Variants in SPATA9 observed in about 807,000 individuals in gnomAD.
SPATA9 encodes the protein spermatogenesis associated 9.
Under a neutral mutation model 25.5 loss-of-function variants are expected in SPATA9, and 27 were observed. That is an observed-to-expected ratio of 1.06 (90% CI 0.78 to 1.46). The LOEUF is 1.46. Ranked by LOEUF, SPATA9 falls within the 40% of genes most tolerant of loss-of-function variation. The pLI is 0.00. For missense variants in SPATA9, 282 were observed against 297.5 expected (o/e 0.95, Z 0.38); for synonymous variants, 102 against 105.7 (o/e 0.97, Z 0.21).
intron 1 of SPATA9, among the ~76,000 whole-genome samples, chr5:95,698,435 C>G (rs1161750095): frequency 6.6e-6 from 1 of 152,176 alleles, no homozygotes; most frequent in Non-Finnish European, 1.5e-5. Context: ...GACTCCTAGA[C>G]GCTCAGGGAC....
chr5:95,715,499 T>G, the SPATA9 span, among the ~76,000 whole-genome samples: 2 of 152,100 alleles, frequency 1.3e-5, no homozygotes, highest in African/African-American at 4.8e-5. Flanking sequence ...GAAAGGAAAC[T>G]CTTTTCAAAA....
chr5:95,678,937 T>C (rs372755254), intron 2 of SPATA9, among the ~76,000 whole-genome samples: 23 of 152,242 alleles, frequency 1.5e-4, no homozygotes, highest in Admixed American at 5.2e-4. Context: ...TTAAGTGTTT[T>C]GAAAATGAGA....
chr5:95,671,495 C>G (rs532855831), intron 3 of SPATA9, among the ~76,000 whole-genome samples: 3 of 152,252 alleles, frequency 2.0e-5, no homozygotes, highest in Non-Finnish European at 2.9e-5. Context: ...ACTGCAACCT[C>G]GCCTCCAGGG....
intron 4 of SPATA9, among the ~76,000 whole-genome samples, chr5:95,663,207 T>G (rs1365865461): frequency 2.0e-5 from 3 of 152,188 alleles, no homozygotes; most frequent in African/African-American, 7.2e-5. Context: ...AACAAACTAC[T>G]GCTACAGGCA....
chr5:95,671,491 A>C (rs182266314), intron 3 of SPATA9, among the ~76,000 whole-genome samples: 21 of 151,682 alleles, frequency 1.4e-4, no homozygotes, highest in Admixed American at 1.0e-3. Context: ...GCTCACTGCA[A>C]CCTCGCCTCC....
chr5:95,710,560 C>T, the SPATA9 span, among the ~76,000 whole-genome samples: 1 of 152,168 alleles, frequency 6.6e-6, no homozygotes, highest in East Asian at 1.9e-4. Flanking sequence ...GGCCACTGGG[C>T]GTCTCCAGGG....
At chr5:95,706,432 G>A in the SPATA9 span, among the ~76,000 whole-genome samples, 2 of 151,878 alleles carry the variant, frequency 1.3e-5, no homozygotes, top group South Asian at 2.1e-4. Flanking sequence ...GGGTGGAGTC[G>A]TGCCTGCTTC....
chr5:95,681,602 G>A (rs13361882), intron 2 of SPATA9, among the ~76,000 whole-genome samples: 20,695 of 151,996 alleles, frequency 0.14, 1,522 homozygotes, highest in Middle Eastern at 0.22. Flanking sequence ...AAAGGATCAC[G>A]TCGTGTTTAT....
chr5:95,716,817 T>C, the SPATA9 span, among the ~76,000 whole-genome samples: 2 of 152,124 alleles, frequency 1.3e-5, no homozygotes, highest in African/African-American at 4.8e-5. Flanking sequence ...AACTGAATCA[T>C]GGGGGTGAGA....
At chr5:95,691,823 C>T (rs1753902494) in intron 1 of SPATA9, among the ~76,000 whole-genome samples, 1 of 152,108 alleles carries the variant, frequency 6.6e-6, no homozygotes, top group African/African-American at 2.4e-5. Flanking sequence ...AAGCCAACAC[C>T]AAACATTATT....
chr5:95,698,685 T>C (rs1361470376), exon 1 of SPATA9: 2 of 152,186 alleles, frequency 1.3e-5, no homozygotes, highest in African/African-American at 4.8e-5. Context: ...CAAAGTTCCC[T>C]CACTCTTCCA....
At chr5:95,731,424 G>A in the SPATA9 span, 1 of 1,193,546 alleles carries the variant, frequency 8.4e-7, no homozygotes, top group Non-Finnish European at 1.0e-6. Context: ...CGGCGGTCCC[G>A]CGCCCGGCGA....
At chr5:95,714,071 T>C in the SPATA9 span, among the ~76,000 whole-genome samples, 2 of 152,218 alleles carry the variant, frequency 1.3e-5, no homozygotes, top group Admixed American at 1.3e-4. Flanking sequence ...CTCTATTTTA[T>C]TTTTCTTTTA....
At position 95,658,792 on chromosome 5, in the gene SPATA9, G is replaced by A. The variant is rs763706037; in HGVS notation, c.596C>T (p.Ser199Leu). 6 of 1,613,864 alleles carry A rather than the reference G, an allele frequency of 3.7e-6. No individual in the cohort carries two copies. Among genetic ancestry groups the A allele is most frequent in the Admixed American group, 1.7e-5 (1 of 59,974 alleles). Residue 199 changes from serine to leucine, a missense_variant, in exon 5 of 5, where the codon TCG (serine) becomes TTG (leucine). Physicochemically the swap from Ser to Leu is moderately radical, Grantham distance 145. Transcript: ENST00000274432. ...CRKAFSEPVL[S>L]EPMFAEGEIK... Reference sequence around the variant, plus strand: ...TTCACCTTCAGCAAACATAGGCTCCGAAAGCACAGGCTCAGAAAAGGCTTT... The same window carrying A: ...TTCACCTTCAGCAAACATAGGCTCCAAAAGCACAGGCTCAGAAAAGGCTTT...
At chr5:95,725,557 T>C in the SPATA9 span, among the ~76,000 whole-genome samples, 1 of 152,268 alleles carries the variant, frequency 6.6e-6, no homozygotes, top group African/African-American at 2.4e-5. Context: ...TTTAGGAATG[T>C]TTATTTTATA....
At chr5:95,655,999 G>C, downstream of SPATA9, 1 of 1,574,772 alleles carries the variant, frequency 6.4e-7, no homozygotes, top group Non-Finnish European at 8.7e-7. Flanking sequence ...AGTCTATCAA[G>C]AACATTTGAC....
chr5:95,675,169 T>C (rs17084960), intron 3 of SPATA9, among the ~76,000 whole-genome samples: 6,784 of 152,278 alleles, frequency 0.045, 478 homozygotes, highest in African/African-American at 0.15. Context: ...AATGGTAATT[T>C]ACATGCATAT....
intron 2 of SPATA9, among the ~76,000 whole-genome samples, chr5:95,678,051 C>T (rs1753107766): frequency 6.6e-6 from 1 of 152,056 alleles, no homozygotes. Flanking sequence ...GAACTGAACC[C>T]CAGAAGCCAT....
intron 3 of SPATA9, among the ~76,000 whole-genome samples, chr5:95,665,757 C>T (rs954887475): frequency 6.6e-6 from 1 of 152,104 alleles, no homozygotes; most frequent in Non-Finnish European, 1.5e-5. Context: ...GGTGGATCAC[C>T]TGAGGTCAGG....
Sources: gnomAD v4.1 joint callset for allele counts (sites outside exome capture counted in the v4.1 genomes callset) on GRCh38, gnomAD v4.1.1 for gene constraint, MANE v1.5 for transcripts, NCBI Gene and HGNC (gene_info 2026-07-23, HGNC 2026-07-21) for gene names.